Variants in PSORS1C1 observed in about 807,000 individuals in gnomAD.
The protein encoded by PSORS1C1 is psoriasis susceptibility 1 candidate 1, also known as psoriasis susceptibility 1 candidate gene 1 protein.
Under a neutral mutation model 9.4 loss-of-function variants are expected in PSORS1C1, and 7 were observed. The observed-to-expected ratio is 0.75, with a 90% confidence interval of 0.42 to 1.40. PSORS1C1 has a LOEUF of 1.40. Among genes scored for constraint, PSORS1C1 ranks in the 40% most tolerant of loss-of-function variants. The probability of loss-of-function intolerance (pLI) is 0.01; values close to 1 mark genes in which losing one functional copy is unlikely to be tolerated. For missense variants in PSORS1C1, 146 were observed against 178.1 expected (o/e 0.82, Z 1.02); for synonymous variants, 63 against 69.4 (o/e 0.91, Z 0.46).
chr6:31,126,538 A>G (rs1394395982), intron 2 of PSORS1C1, among the ~76,000 whole-genome samples: 1 of 87,606 alleles, frequency 1.1e-5, no homozygotes, highest in East Asian at 3.7e-4. Flanking sequence ...TCCTGGTCCA[A>G]TGGCTCTCTC....
rs529285072 is a variant in PSORS1C1, at chr6:31,139,327, C to T, written c.168-314C>T. The T allele has an allele frequency of 1.5e-5, 9 of 585,180 alleles. No individual in the cohort carries two copies. The East Asian group carries it at 2.0e-4, about 13-fold the overall frequency. The allele number at this position is 585,180 out of a possible 1,614,324, so 36.2% of individuals were successfully genotyped here. On this transcript the variant is annotated intron_variant, in intron 5 of 5. Coordinates refer to ENST00000259881, the MANE Select transcript of PSORS1C1 (RefSeq NM_014068.3). This position sits in a 1 kb window ranked among gnomAD's most constrained non-coding sequence, Gnocchi z 5.2. ...CATCCACATCCTGGAGCAGTCAATA[C>T]CCACTTGGCATCTCCGTAATCACAG...
Position 31,138,429 on chromosome 6 carries a change from G to A in PSORS1C1, c.14-1G>A. 3 of 1,602,172 alleles carry A rather than the reference G, an allele frequency of 1.9e-6. No homozygotes were observed. The highest frequency in any genetic ancestry group is 1.4e-5 in the African/African-American group (1 of 73,990). On this transcript the variant is annotated splice_acceptor_variant, in intron 3 of 5. Coordinates refer to ENST00000259881, the MANE Select transcript of PSORS1C1 (RefSeq NM_014068.3). LOFTEE classifies it high-confidence loss of function. ...CGCAGCCTGAACTGACCCACAAACAGACCAAAAAAGTCACTCTCAAAGAGC... is the reference window on the plus strand; with the variant it reads ...CGCAGCCTGAACTGACCCACAAACAAACCAAAAAAGTCACTCTCAAAGAGC...
Position 31,139,006 on chromosome 6 carries a change from G to A in PSORS1C1, c.167+227G>A, listed in dbSNP as rs1218609631. On this transcript the variant is annotated intron_variant, in intron 5 of 5. Coordinates refer to ENST00000259881, the MANE Select transcript of PSORS1C1 (RefSeq NM_014068.3). This position sits in a 1 kb window ranked among gnomAD's most constrained non-coding sequence, Gnocchi z 5.2. ...GCAGGCAAAGGACCAGGATCCCCAG[G>A]AGCTTCCAGTTGAGGATCATGGCTA... 2 of 1,613,956 alleles carry A rather than the reference G, an allele frequency of 1.2e-6. No individual in the cohort carries two copies. The highest frequency in any genetic ancestry group is 1.7e-6 in the Non-Finnish European group (2 of 1,180,000).
intron 3 of PSORS1C1, among the ~76,000 whole-genome samples, chr6:31,130,918 T>C (rs1772884299): frequency 6.6e-6 from 1 of 151,812 alleles, no homozygotes. Context: ...GGCTTTGACC[T>C]CCTGAGCTCA....
chr6:31,139,167 T>G lies in PSORS1C1; in HGVS notation c.167+388T>G. The G allele has an allele frequency of 1.5e-6, 1 of 665,326 alleles. No homozygotes were observed. Among genetic ancestry groups the G allele is most frequent in the Non-Finnish European group, 2.6e-6 (1 of 380,716 alleles). The allele number at this position is 665,326 out of a possible 1,614,324, so 41.2% of individuals were successfully genotyped here. On this transcript the variant is annotated intron_variant, in intron 5 of 5. Coordinates refer to ENST00000259881, the MANE Select transcript of PSORS1C1 (RefSeq NM_014068.3). The surrounding 1 kb of genome is among the most constrained non-coding windows in gnomAD (Gnocchi z 5.2). ...TCAGAACAGAACTGGTCAAACCCGT[T>G]GGGAAGGCCTGGGCTGATGTGTCAC...
At chr6:31,117,845 T>G in intron 1 of PSORS1C1, 1 of 371,966 alleles carries the variant, frequency 2.7e-6, no homozygotes, top group Non-Finnish European at 5.0e-6. Flanking sequence ...ACGCCGGTAA[T>G]CCCAGCACTT....
intron 1 of PSORS1C1, among the ~76,000 whole-genome samples, chr6:31,121,818 G>C (rs2284177): frequency 0.17 from 25,896 of 152,258 alleles, 2,462 homozygotes; most frequent in South Asian, 0.33. Context: ...TGTGCTGTCC[G>C]ATACGGTAGC....
intron 1 of PSORS1C1, chr6:31,120,356 G>T: frequency 6.3e-7 from 1 of 1,591,344 alleles, no homozygotes; most frequent in Non-Finnish European, 8.5e-7. Flanking sequence ...AGACCAGCCA[G>T]CAGCAGTGCC....
At chr6:31,117,375 A>T (rs776244894) in intron 1 of PSORS1C1, 13 of 1,573,776 alleles carry the variant, frequency 8.3e-6, no homozygotes, top group Non-Finnish European at 8.6e-6. Flanking sequence ...AGCTTCTGGC[A>T]CTGGAAATGG....
In PSORS1C1 at chr6:31,139,480, C is replaced by A. The variant is rs955673720; in HGVS notation, c.168-161C>A. 1.5e-6 allele frequency: 1 copy of A among 650,092 alleles called. No individual in the cohort carries two copies. The highest frequency in any genetic ancestry group is 1.8e-5 in the African/African-American group (1 of 54,904). 40.3% of individuals were successfully genotyped at this position (650,092 alleles called of 1,614,324 possible). On this transcript the variant is annotated intron_variant, in intron 5 of 5. Transcript: ENST00000259881. This position sits in a 1 kb window ranked among gnomAD's most constrained non-coding sequence, Gnocchi z 5.2. ...GATGCCTGCGCTGAGGGAGGAGGTGCTTTTCAAACCTGGGATGCAGCTGGG... is the reference window on the plus strand; with the variant it reads ...GATGCCTGCGCTGAGGGAGGAGGTGATTTTCAAACCTGGGATGCAGCTGGG...
intron 1 of PSORS1C1, chr6:31,116,189 G>A: frequency 6.2e-7 from 1 of 1,613,576 alleles, no homozygotes; most frequent in Non-Finnish European, 8.5e-7. Flanking sequence ...GGATCAGGAT[G>A]GGGAGAGCCA....
At chr6:31,124,415 T>C (rs182682374) in intron 1 of PSORS1C1, among the ~76,000 whole-genome samples, 2 of 152,336 alleles carry the variant, frequency 1.3e-5, no homozygotes, top group East Asian at 3.9e-4. Flanking sequence ...TAAGTGCTTT[T>C]TCCCCCTGTT....
chr6:31,117,651 G>A, intron 1 of PSORS1C1: 2 of 819,584 alleles, frequency 2.4e-6, no homozygotes, highest in Non-Finnish European at 4.1e-6. Flanking sequence ...GGAGAGTTTA[G>A]GGATGGAGAA....
chr6:31,139,937 C>G lies in PSORS1C1; in HGVS notation c.*5C>G, dbSNP rs1773361954. 6.2e-7 allele frequency: 1 copy of G among 1,603,742 alleles called. No individual in the cohort carries two copies. Among genetic ancestry groups the G allele is most frequent in the East Asian group, 2.2e-5 (1 of 44,692 alleles). ...GGTCTCAGCTCCTTGATCTAAGCCT[C>G]CCAGAGAGACCCCTAGAACGTTTCC... is the stretch of plus-strand genomic sequence containing the variant. On this transcript the variant is annotated 3_prime_UTR_variant, in exon 6 of 6. Transcript: ENST00000259881. The surrounding 1 kb of genome is among the most constrained non-coding windows in gnomAD (Gnocchi z 5.2).
Position 31,139,591 on chromosome 6 carries a change from C to G in PSORS1C1, c.168-50C>G. 1 of 1,583,206 alleles carries G rather than the reference C, an allele frequency of 6.3e-7. No individual in the cohort carries two copies. The highest frequency in any genetic ancestry group is 8.6e-7 in the Non-Finnish European group (1 of 1,161,382). Reference sequence around the variant, plus strand: ...GCTTCGTGCTTTCCTGGGCACTTCCCTTCCCCCATGGGATCCAGGCATCCT... The same window carrying G: ...GCTTCGTGCTTTCCTGGGCACTTCCGTTCCCCCATGGGATCCAGGCATCCT... On this transcript the variant is annotated intron_variant, in intron 5 of 5. Coordinates refer to ENST00000259881, the MANE Select transcript of PSORS1C1 (RefSeq NM_014068.3). This position sits in a 1 kb window ranked among gnomAD's most constrained non-coding sequence, Gnocchi z 5.2.
chr6:31,119,755 A>T (rs1449220426), intron 1 of PSORS1C1, among the ~76,000 whole-genome samples: 1 of 151,876 alleles, frequency 6.6e-6, no homozygotes, highest in Non-Finnish European at 1.5e-5. Flanking sequence ...AAAAAAAGAA[A>T]ATTAGCCAGG....
At position 31,139,140 on chromosome 6, in the gene PSORS1C1, C is replaced by A; in HGVS notation, c.167+361C>A. 1.2e-6 allele frequency: 1 copy of A among 814,742 alleles called. No homozygotes were observed. Among genetic ancestry groups the A allele is most frequent in the Non-Finnish European group, 2.1e-6 (1 of 484,922 alleles). 50.5% of individuals were successfully genotyped at this position (814,742 alleles called of 1,614,324 possible). A position where few individuals can be genotyped will look rare whatever the true frequency, so the allele number is the denominator to read the frequency against. On this transcript the variant is annotated intron_variant, in intron 5 of 5. Coordinates refer to ENST00000259881, the MANE Select transcript of PSORS1C1 (RefSeq NM_014068.3). This position sits in a 1 kb window ranked among gnomAD's most constrained non-coding sequence, Gnocchi z 5.2. The stretch of plus-strand genomic sequence containing the variant: ...GACCAGCCCAGTGGCACAGGAATAC[C>A]ATCAGAACAGAACTGGTCAAACCCG...
chr6:31,130,536 C>T (rs1772865857), intron 3 of PSORS1C1, among the ~76,000 whole-genome samples: 2 of 152,044 alleles, frequency 1.3e-5, no homozygotes, highest in South Asian at 2.1e-4. Flanking sequence ...CTCAGCCTCC[C>T]GAGTAGCTGG....
intron 3 of PSORS1C1, among the ~76,000 whole-genome samples, chr6:31,132,369 A>C (rs1772955851): frequency 6.8e-6 from 1 of 147,596 alleles, no homozygotes; most frequent in African/African-American, 2.5e-5. Flanking sequence ...TAAAAATACA[A>C]AAATTAGCTG....
Sources: gnomAD v4.1 joint callset for allele counts (sites outside exome capture counted in the v4.1 genomes callset) on GRCh38, gnomAD v4.1.1 for gene constraint, Gnocchi (gnomAD v3.1) non-coding constraint, MANE v1.5 for transcripts, NCBI Gene and HGNC (gene_info 2026-07-23, HGNC 2026-07-21) for gene names.